Variants in PRPF3 observed in about 807,000 individuals in gnomAD.
The protein encoded by PRPF3 is U4/U6 small nuclear ribonucleoprotein Prp3.
Under a neutral mutation model 89.2 loss-of-function variants are expected in PRPF3, and 3 were observed. The observed-to-expected ratio is 0.03, with a 90% CI of 0.02 to 0.09. The LOEUF is 0.09. Among genes scored for constraint, PRPF3 ranks in the 10% least tolerant of loss-of-function variants. The pLI, the probability that PRPF3 is intolerant of heterozygous loss-of-function variation, is 1.00. For synonymous variants in PRPF3, 270 were observed against 289.1 expected, an observed-to-expected ratio of 0.93 and a Z score of 0.67; for missense variants, 463 against 828.8, an observed-to-expected ratio of 0.56 and a Z score of 5.42.
chr1:150,339,761 T>TTTA (rs1187195085), intron 8 of PRPF3, among the ~76,000 whole-genome samples: 12 of 132,424 alleles, frequency 9.1e-5, no homozygotes, highest in Admixed American at 6.9e-4. Flanking sequence ...TTTTTTTTTT[T>TTTA]AAGACAGAGT....
intron 15 of PRPF3, among the ~76,000 whole-genome samples, chr1:150,351,493 CTTTTTTTAATCAACTTT>C (rs1658918374): frequency 1.3e-5 from 2 of 151,556 alleles, no homozygotes; most frequent in South Asian, 4.2e-4. Flanking sequence ...TATTTGTTAT[CTTTTTTTAATCAACTTT>C]TTTTTTTAGA....
At chr1:150,347,584 G>A (rs1424020066) in intron 14 of PRPF3, among the ~76,000 whole-genome samples, 2 of 151,748 alleles carry the variant, frequency 1.3e-5, no homozygotes, top group African/African-American at 4.8e-5. Context: ...ACAAAAATTC[G>A]GGGCGTGGTG....
intron 4 of PRPF3, among the ~76,000 whole-genome samples, chr1:150,332,235 A>G (rs1487307461): frequency 0.12 from 203 of 1,764 alleles, 1 homozygote; most frequent in African/African-American, 0.23. Flanking sequence ...AAAAAAAAAA[A>G]GAAAATTAAG....
chr1:150,332,968 C>G lies in PRPF3; in HGVS notation c.508-11C>G. 2 of 1,607,708 alleles carry G rather than the reference C, an allele frequency of 1.2e-6. No individual in the cohort carries two copies. Among genetic ancestry groups the G allele is most frequent in the African/African-American group, 2.7e-5 (2 of 74,898 alleles). ...CTTAATTCCTCTGATTTCTTTTTCTCTATCTCACAGCCAAAGACTCCTTCT... is the reference window on the plus strand; with the variant it reads ...CTTAATTCCTCTGATTTCTTTTTCTGTATCTCACAGCCAAAGACTCCTTCT... On this transcript the variant is annotated splice_polypyrimidine_tract_variant and intron_variant, in intron 5 of 15. Transcript: ENST00000324862.
chr1:150,327,107 G>A lies in PRPF3; in HGVS notation c.277-1213G>A, dbSNP rs113026084. Among the ~76,000 whole-genome samples the A allele has an allele frequency of 4.4e-4, 63 of 141,992 alleles. 1 individual carries two copies. Among genetic ancestry groups the A allele is most frequent in the Middle Eastern group, 3.8e-3 (1 of 260 alleles). The allele number at this position is 141,992 out of a possible 152,430, so 93.2% of individuals were successfully genotyped here. ...TTCTAAGGGTGAGTCTCACTCTGTC[G>A]CCCAGGCTGGAGTACAGTAGCGCAA... On this transcript the variant is annotated intron_variant, in intron 3 of 15. Coordinates refer to ENST00000324862, the MANE Select transcript of PRPF3 (RefSeq NM_004698.4).
At chr1:150,327,610 G>A (rs1553864162) in intron 3 of PRPF3, 1 of 985,722 alleles carries the variant, frequency 1.0e-6, no homozygotes, top group Non-Finnish European at 1.2e-6. Flanking sequence ...CAAAACACGA[G>A]CCCTCCTAGT....
intron 12 of PRPF3, chr1:150,345,780 A>C (rs1553872744): frequency 1.9e-6 from 1 of 521,786 alleles, no homozygotes; most frequent in African/African-American, 1.9e-5. Flanking sequence ...TCTTAGAGTA[A>C]ACTTTGGTTA....
intron 14 of PRPF3, among the ~76,000 whole-genome samples, chr1:150,346,994 G>A (rs1362476463): frequency 6.6e-6 from 1 of 152,100 alleles, no homozygotes; most frequent in Non-Finnish European, 1.5e-5. Context: ...AGGAAGCTGA[G>A]GTGGGAGGAT....
chr1:150,338,593 C>T (rs111904232), intron 8 of PRPF3, among the ~76,000 whole-genome samples: 22 of 151,894 alleles, frequency 1.4e-4, no homozygotes, highest in African/African-American at 4.8e-4. Context: ...CTCCACCTCC[C>T]GGGTTCAAGA....
chr1:150,333,341 C>T lies in PRPF3; in HGVS notation c.728+142C>T. 5 of 909,778 alleles carry T rather than the reference C, an allele frequency of 5.5e-6. No individual in the cohort carries two copies. In the South Asian group the frequency reaches 7.3e-5, roughly 13 times the overall value. The allele number at this position is 909,778 out of a possible 1,614,324, so 56.4% of individuals were successfully genotyped here. ...TTGGGAGGCTGAGGTAGGTGGATCA[C>T]CTGAGGTCAGGAGTCAGGAGTTCGA... On this transcript the variant is annotated intron_variant, in intron 6 of 15. Transcript: ENST00000324862.
intron 9 of PRPF3, 53 bp from the exon 10 acceptor site, chr1:150,343,243 AAAAAAATATATAT>A (rs1553871871): frequency 3.1e-6 from 3 of 981,880 alleles, no homozygotes; most frequent in Non-Finnish European, 3.9e-6. Flanking sequence ...GAGAGAAAAA[AAAAAAATATATAT>A]ATATATATAT....
intron 6 of PRPF3, among the ~76,000 whole-genome samples, chr1:150,333,459 C>T (rs1357090137): frequency 2.6e-5 from 4 of 151,972 alleles, no homozygotes; most frequent in African/African-American, 4.8e-5. Flanking sequence ...CCCAGCTACT[C>T]GGGAGGCTGA....
At position 150,346,643 on chromosome 1, in the gene PRPF3, C is replaced by T. The variant is rs1030088075; in HGVS notation, c.1843+152C>T. 61 of 758,038 alleles carry T rather than the reference C, an allele frequency of 8.0e-5. 2 individuals are homozygous for T. In the Admixed American group the frequency reaches 1.4e-3, roughly 17 times the overall value. 47.0% of individuals were successfully genotyped at this position (758,038 alleles called of 1,614,324 possible). A position where few individuals can be genotyped will look rare whatever the true frequency, so the allele number is the denominator to read the frequency against. Reference sequence around the variant, plus strand: ...AAAGACCCGTTTAGACTTTGAGCCTCCTAGACATTCATACAATATTTACTA... The same window carrying T: ...AAAGACCCGTTTAGACTTTGAGCCTTCTAGACATTCATACAATATTTACTA... On this transcript the variant is annotated intron_variant, in intron 14 of 15. Transcript: ENST00000324862.
At chr1:150,328,988 C>T (rs1337501479) in intron 4 of PRPF3, among the ~76,000 whole-genome samples, 3 of 149,932 alleles carry the variant, frequency 2.0e-5, no homozygotes, top group East Asian at 2.0e-4. Flanking sequence ...CAGCGTGCCT[C>T]GCCTTATTGT....
chr1:150,323,196 T>G (rs1655288923), intron 1 of PRPF3, among the ~76,000 whole-genome samples: 1 of 121,812 alleles, frequency 8.2e-6, no homozygotes, highest in African/African-American at 3.3e-5. Context: ...TTTTTTTTTT[T>G]TGGAGACACA....
intron 1 of PRPF3, among the ~76,000 whole-genome samples, chr1:150,322,908 T>C (rs1655223504): frequency 6.6e-6 from 1 of 151,032 alleles, no homozygotes; most frequent in Non-Finnish European, 1.5e-5. Flanking sequence ...GGAGTCTTGC[T>C]CTGTCGCCCA....
intron 5 of PRPF3, 59 bp downstream of exon 5, chr1:150,332,826 C>T (rs1185393932): frequency 1.3e-6 from 2 of 1,575,604 alleles, no homozygotes; most frequent in Non-Finnish European, 1.7e-6. Flanking sequence ...TCTTGCCATC[C>T]ACTCAAAATG....
At chr1:150,322,660 C>G (rs1655184956) in intron 1 of PRPF3, among the ~76,000 whole-genome samples, 1 of 152,138 alleles carries the variant, frequency 6.6e-6, no homozygotes, top group African/African-American at 2.4e-5. Flanking sequence ...TTTGGATATA[C>G]CAAAAGTGAG....
chr1:150,337,000 C>T (rs952467676), intron 7 of PRPF3, among the ~76,000 whole-genome samples: 8 of 149,246 alleles, frequency 5.4e-5, no homozygotes, highest in African/African-American at 1.2e-4. Flanking sequence ...TGACCTTTGC[C>T]GCCTTTTTAT....
Sources: gnomAD v4.1 joint callset for allele counts (sites outside exome capture counted in the v4.1 genomes callset) on GRCh38, gnomAD v4.1.1 for gene constraint, MANE v1.5 for transcripts, NCBI Gene and HGNC (gene_info 2026-07-23, HGNC 2026-07-21) for gene names.